DMXL2: variants seen among roughly 807,000 people sequenced by gnomAD.
DMXL2 encodes the protein dmX-like protein 2.
A neutral mutation model predicts 331.1 loss-of-function variants in DMXL2; 103 were observed. The ratio of observed to expected loss-of-function variants is 0.31; its 90% CI spans 0.27 to 0.37. The LOEUF is 0.37. Ranked by LOEUF, DMXL2 falls within the 10% of genes least tolerant of loss-of-function variation. DMXL2 has a pLI of 1.00. For missense variants in DMXL2, 3,171 were observed against 3,642.9 expected (o/e 0.87, Z 3.33); for synonymous variants, 1,281 against 1,252.1 (o/e 1.02, Z -0.49).
Position 51,498,833 on chromosome 15 carries a change from GGTT to G in DMXL2, c.4388_4390del (p.Gln1463del). ...AAACAGCTCTGAATACTGATCCTCT[GGTT>G]GACTTACTGTCTGATCTTCATAGCT... On this transcript the variant is annotated inframe_deletion, in exon 18 of 44. Transcript: ENST00000560891. 6.2e-7 allele frequency: 1 copy of G among 1,614,122 alleles called. No individual in the cohort carries two copies. The highest frequency in any genetic ancestry group is 8.5e-7 in the Non-Finnish European group (1 of 1,179,994).
In DMXL2 at chr15:51,500,014, T is replaced by C. The variant is rs1336882000; in HGVS notation, c.3210A>G (p.Arg1070=). 3.7e-6 allele frequency: 6 copies of C among 1,614,032 alleles called. No homozygotes were observed. Among genetic ancestry groups the C allele is most frequent in the Non-Finnish European group, 4.2e-6 (5 of 1,180,016 alleles). The change falls in exon 18 of 44, where the codon AGA becomes AGG. Residue 1070 remains arginine (R), a synonymous_variant. Coordinates refer to ENST00000560891, the MANE Select transcript of DMXL2 (RefSeq NM_001378457.1). The stretch of plus-strand genomic sequence containing the variant: ...TGTATGAACAGCTAACAGCAACTGG[T>C]CTTCCCACAATGCTCACTGTACTGC... ...DNSSTVSIVG[R]PVAVSCSYTG...
chr15:51,498,640 A>T lies in DMXL2; in HGVS notation c.4584T>A (p.Arg1528=). Residue 1528 remains arginine (R), a synonymous_variant, in exon 18 of 44, where the codon CGT becomes CGA. Coordinates refer to ENST00000560891, the MANE Select transcript of DMXL2 (RefSeq NM_001378457.1). Reference sequence around the variant, plus strand: ...AAGCTACAAGGAACATCTGCTCCAAACGGGTAAGGCCTGGTAGACTTGAGT... The same window carrying T: ...AAGCTACAAGGAACATCTGCTCCAATCGGGTAAGGCCTGGTAGACTTGAGT... The part of the protein sequence containing the change: ...LMHSSLPGLT[R]LEQMFLVALA... 6.2e-7 allele frequency: 1 copy of T among 1,614,168 alleles called. No homozygotes were observed. The highest frequency in any genetic ancestry group is 8.5e-7 in the Non-Finnish European group (1 of 1,180,014).
intron 3 of DMXL2, among the ~76,000 whole-genome samples, chr15:51,565,795 T>C (rs1379251937): frequency 3.3e-5 from 5 of 152,244 alleles, no homozygotes; most frequent in African/African-American, 1.2e-4. Context: ...TGCAAAGCTA[T>C]GTTACCTTAG....
chr15:51,583,103 CTTCTT>C, intron 1 of DMXL2, among the ~76,000 whole-genome samples: 1 of 89,542 alleles, frequency 1.1e-5, no homozygotes, highest in South Asian at 4.4e-4. Context: ...TTACTTCATT[CTTCTT>C]TTTTTTTTTT....
chr15:51,530,111 A>G (rs2047917005), intron 13 of DMXL2, among the ~76,000 whole-genome samples: 1 of 152,094 alleles, frequency 6.6e-6, no homozygotes, highest in African/African-American at 2.4e-5. Context: ...CATACCTTCT[A>G]TACCCTAGTA....
chr15:51,481,740 G>A (rs971912563), intron 23 of DMXL2, 117 bp from the exon 24 acceptor site: 11 of 933,932 alleles, frequency 1.2e-5, no homozygotes, highest in South Asian at 6.0e-5. Context: ...ATTAACCTAC[G>A]ATAGGTTACA....
chr15:51,561,656 T>C (rs1395705816), intron 6 of DMXL2, among the ~76,000 whole-genome samples: 1 of 152,146 alleles, frequency 6.6e-6, no homozygotes, highest in African/African-American at 2.4e-5. Context: ...AGAACTACCA[T>C]ACAGTTCATC....
At chr15:51,554,116 C>A (rs754281359) in intron 6 of DMXL2, among the ~76,000 whole-genome samples, 4 of 152,204 alleles carry the variant, frequency 2.6e-5, no homozygotes, top group Non-Finnish European at 4.4e-5. Flanking sequence ...AATATCCAAG[C>A]TGACATCAGC....
At chr15:51,479,247 T>G (rs1309656165) in intron 25 of DMXL2, among the ~76,000 whole-genome samples, 2 of 152,156 alleles carry the variant, frequency 1.3e-5, no homozygotes, top group Non-Finnish European at 2.9e-5. Context: ...AGAGAGTAAA[T>G]GTGCCTGTCA....
intron 1 of DMXL2, among the ~76,000 whole-genome samples, chr15:51,605,363 G>T (rs2053506404): frequency 6.6e-6 from 1 of 151,906 alleles, no homozygotes; most frequent in Non-Finnish European, 1.5e-5. Flanking sequence ...ACCATGCCTG[G>T]CTAATTTTTG....
At chr15:51,565,770 A>G (rs1262953424) in intron 3 of DMXL2, among the ~76,000 whole-genome samples, 9 of 152,220 alleles carry the variant, frequency 5.9e-5, no homozygotes, top group African/African-American at 2.2e-4. Flanking sequence ...GTGAGAGGAC[A>G]TTTGTGAAAA....
intron 14 of DMXL2, among the ~76,000 whole-genome samples, chr15:51,515,071 G>C (rs758934212): frequency 7.9e-5 from 12 of 152,126 alleles, no homozygotes; most frequent in Non-Finnish European, 1.6e-4. Context: ...TGGGAATTAT[G>C]AGGGATCCTA....
chr15:51,564,873 T>G (rs1326737041), intron 4 of DMXL2, among the ~76,000 whole-genome samples: 1 of 151,962 alleles, frequency 6.6e-6, no homozygotes, highest in Non-Finnish European at 1.5e-5. Context: ...AACTGCTTCT[T>G]GAAATAAAAC....
chr15:51,501,022 A>G (rs1198809606), intron 17 of DMXL2, among the ~76,000 whole-genome samples: 1 of 152,260 alleles, frequency 6.6e-6, no homozygotes, highest in Non-Finnish European at 1.5e-5. Flanking sequence ...ATTGTCAAAT[A>G]AGACATTTTA....
intron 1 of DMXL2, among the ~76,000 whole-genome samples, chr15:51,598,159 C>T (rs2052962615): frequency 6.6e-6 from 1 of 152,104 alleles, no homozygotes; most frequent in Non-Finnish European, 1.5e-5. Context: ...TACAGTACTT[C>T]CTTTACTTTT....
At chr15:51,596,042 G>A (rs1242815004) in intron 1 of DMXL2, among the ~76,000 whole-genome samples, 3 of 152,108 alleles carry the variant, frequency 2.0e-5, no homozygotes, top group Admixed American at 6.6e-5. Flanking sequence ...ACCAAAAGCA[G>A]TGGCAACAAA....
intron 13 of DMXL2, among the ~76,000 whole-genome samples, chr15:51,532,140 G>A (rs897153702): frequency 6.6e-6 from 1 of 150,834 alleles, no homozygotes; most frequent in African/African-American, 2.4e-5. Flanking sequence ...ATCAACAGAT[G>A]AATGGATGAA....
chr15:51,547,514 T>C lies in DMXL2; in HGVS notation c.568-106A>G, dbSNP rs917920739. Reference sequence around the variant, plus strand: ...ATTAAGTTACATCTAAAAACTAATATGTGACTTATACATAATACAAAACTT... The same window carrying C: ...ATTAAGTTACATCTAAAAACTAATACGTGACTTATACATAATACAAAACTT... On this transcript the variant is annotated intron_variant, in intron 6 of 43. Transcript: ENST00000560891. 1.0e-5 allele frequency: 7 copies of C among 689,358 alleles called. No individual in the cohort carries two copies. The African/African-American group carries it at 1.1e-4, about 11-fold the overall frequency. 42.7% of individuals were successfully genotyped at this position (689,358 alleles called of 1,614,324 possible). A position where few individuals can be genotyped will look rare whatever the true frequency, so the allele number is the denominator to read the frequency against.
At chr15:51,542,098 T>C (rs1237387826) in intron 9 of DMXL2, among the ~76,000 whole-genome samples, 3 of 152,202 alleles carry the variant, frequency 2.0e-5, no homozygotes, top group African/African-American at 7.2e-5. Context: ...ATGCTTGTTA[T>C]AGTCTAGACA....
Sources: gnomAD v4.1 joint callset for allele counts (sites outside exome capture counted in the v4.1 genomes callset) on GRCh38, gnomAD v4.1.1 for gene constraint, MANE v1.5 for transcripts, NCBI Gene and HGNC (gene_info 2026-07-23, HGNC 2026-07-21) for gene names.